The following CYLD variants were observed in gnomAD, a reference collection of about 807,000 sequenced individuals.
The protein encoded by CYLD is ubiquitin carboxyl-terminal hydrolase CYLD.
A neutral mutation model predicts 104.5 loss-of-function variants in CYLD; 26 were observed. The observed-to-expected ratio is 0.25, with a 90% CI of 0.18 to 0.35. The LOEUF (loss-of-function observed/expected upper bound fraction) is 0.35. Ranked by LOEUF, CYLD falls within the 10% of genes least tolerant of loss-of-function variation. The pLI, the probability that CYLD is intolerant of heterozygous loss-of-function variation, is 1.00. For missense variants in CYLD, 703 were observed against 1,136.1 expected (o/e 0.62, Z 5.48); for synonymous variants, 385 against 399.9 (o/e 0.96, Z 0.45).
intron 1 of CYLD, 87 bp from the exon 2 acceptor site, chr16:50,742,675 C>T: frequency 2.5e-6 from 1 of 395,544 alleles, no homozygotes; most frequent in Non-Finnish European, 4.5e-6. Context: ...ACGTACCGAT[C>T]GATTTTGCGG....
Position 50,794,682 on chromosome 16 carries a change from G to A in CYLD, c.2686+254G>A, listed in dbSNP as rs546317510. On this transcript the variant is annotated intron_variant, in intron 18 of 18. Transcript: ENST00000427738. The surrounding 1 kb of genome is among the most constrained non-coding windows in gnomAD (Gnocchi z 4.1). ...GTCACCCAGGCTGGAGTGCAGCAGC[G>A]TGATCTTGGCTCATTGCAACCTCCA... is the stretch of plus-strand genomic sequence containing the variant. 75 of 477,286 alleles carry A rather than the reference G, an allele frequency of 1.6e-4. No individual in the cohort carries two copies. Among genetic ancestry groups the A allele is most frequent in the Admixed American group, 2.6e-4 (8 of 30,420 alleles). The allele number at this position is 477,286 out of a possible 1,614,324, so 29.6% of individuals were successfully genotyped here.
Position 50,795,249 on chromosome 16 carries a change from A to ATT in CYLD, c.2686+821_2686+822insTT, listed in dbSNP as rs1371509037. ...ACCATGTTATCTTCCAATTGCCAAAAGCTGAGAGCAGAAGTAAACATCCTT... is the reference window on the plus strand; with the variant it reads ...ACCATGTTATCTTCCAATTGCCAAAATTGCTGAGAGCAGAAGTAAACATCCTT... On this transcript the variant is annotated intron_variant, in intron 18 of 18. Coordinates refer to ENST00000427738, the MANE Select transcript of CYLD (RefSeq NM_001378743.1). 5.3e-3 allele frequency among the ~76,000 whole-genome samples: 804 copies of ATT among 152,368 alleles called. 8 individuals are homozygous for ATT. The highest frequency in any genetic ancestry group is 0.018 in the African/African-American group (738 of 41,586).
At chr16:50,749,514 A>G (rs1966454358) in intron 2 of CYLD, 62 bp from the exon 3 acceptor site, 4 of 620,134 alleles carry the variant, frequency 6.5e-6, no homozygotes, top group African/African-American at 5.5e-5. Context: ...GTCATGTAGA[A>G]TGAAGTCTAA....
intron 5 of CYLD, among the ~76,000 whole-genome samples, chr16:50,763,015 C>A (rs2150947023): frequency 6.6e-6 from 1 of 152,348 alleles, no homozygotes; most frequent in South Asian, 2.1e-4. Flanking sequence ...CCTTAGTGAT[C>A]ATCTCCCAAA....
At position 50,749,944 on chromosome 16, in the gene CYLD, C is replaced by T. The variant is rs2150896336; in HGVS notation, c.246C>T (p.Leu82=). The change falls in exon 3 of 19, where the codon CTC becomes CTT. Residue 82 remains leucine (L), a synonymous_variant. Transcript: ENST00000427738. ...TTCTAGAGCAACCTCATGCAGTTCT[C>T]TTTGTTGATGAAAAGGATGTTGTAG... ...LKILEQPHAV[L]FVDEKDVVEI... 1 of 1,614,092 alleles carries T rather than the reference C, an allele frequency of 6.2e-7. No homozygotes were observed. Among genetic ancestry groups the T allele is most frequent in the Non-Finnish European group, 8.5e-7 (1 of 1,180,020 alleles).
intron 2 of CYLD, among the ~76,000 whole-genome samples, chr16:50,746,602 C>T (rs527632630): frequency 2.7e-4 from 41 of 152,268 alleles, no homozygotes; most frequent in African/African-American, 9.6e-4. Flanking sequence ...AGTCTAAGCT[C>T]ATTTCCACTT....
chr16:50,742,234 C>G (rs1284745213), intron 1 of CYLD, 110 bp downstream of exon 1: 1 of 151,368 alleles, frequency 6.6e-6, no homozygotes, highest in Non-Finnish European at 1.5e-5. Context: ...AATGAGCGGG[C>G]GGCTGGCGGC....
At chr16:50,791,147 T>G (rs1971397639) in intron 14 of CYLD, among the ~76,000 whole-genome samples, 1 of 152,232 alleles carries the variant, frequency 6.6e-6, no homozygotes, top group Admixed American at 6.5e-5. Flanking sequence ...GAAGGTCTGC[T>G]AAGGGTCTGT....
chr16:50,774,703 A>G (rs1211982163), intron 5 of CYLD, among the ~76,000 whole-genome samples: 1 of 152,168 alleles, frequency 6.6e-6, no homozygotes, highest in Non-Finnish European at 1.5e-5. Context: ...ATGGTGCAAG[A>G]TTTCGTTATA....
At chr16:50,770,689 G>A (rs902186298) in intron 5 of CYLD, among the ~76,000 whole-genome samples, 1 of 151,988 alleles carries the variant, frequency 6.6e-6, no homozygotes, top group African/African-American at 2.4e-5. Context: ...GACCTCAAGT[G>A]ATCCACCTGC....
At chr16:50,744,369 G>A (rs1488678661) in intron 2 of CYLD, among the ~76,000 whole-genome samples, 1 of 152,116 alleles carries the variant, frequency 6.6e-6, no homozygotes, top group East Asian at 1.9e-4. Flanking sequence ...AGTGAGAGAT[G>A]TTCTCTTTTA....
Position 50,750,062 on chromosome 16 carries a change from G to T in CYLD, c.364G>T (p.Gly122Cys), listed in dbSNP as rs1240768220. 1 of 1,614,120 alleles carries T rather than the reference G, an allele frequency of 6.2e-7. No homozygotes were observed. Among genetic ancestry groups the T allele is most frequent in the Non-Finnish European group, 8.5e-7 (1 of 1,179,992 alleles). Residue 122 changes from glycine (G) to cysteine (C), a missense_variant, in exon 3 of 19, where the codon GGC becomes TGC. Gly to Cys is a radical substitution (Grantham distance 159). This residue lies in a region of CYLD where 142 missense variants were observed against 165.1 expected (regional missense o/e 0.86). Coordinates refer to ENST00000427738, the MANE Select transcript of CYLD (RefSeq NM_001378743.1). ...TAAAAACAGAAACAGACTAAGTAAA[G>T]GCCTCCAAATAGACGTGGGCTGTCC... The part of the protein sequence containing the change: ...LFKNRNRLSK[G>C]LQIDVGCPVK...
intron 16 of CYLD, 87 bp downstream of exon 16, chr16:50,792,792 G>A (rs1971557269): frequency 2.7e-6 from 2 of 732,662 alleles, no homozygotes; most frequent in Non-Finnish European, 4.8e-6. Context: ...GACTCTAACT[G>A]GACACAGTAT....
chr16:50,744,701 G>A (rs992231934), intron 2 of CYLD: 1 of 152,328 alleles, frequency 6.6e-6, no homozygotes, highest in African/African-American at 2.4e-5. Flanking sequence ...AGCTACTGAT[G>A]TTCATTTGTA....
chr16:50,779,988 A>G lies in CYLD; in HGVS notation c.1462A>G (p.Ile488Val). ...VKENPPFYGV[I>V]RWIGQPPGLN... Reference sequence around the variant, plus strand: ...GGAGAACCCTCCTTTCTATGGGGTAATCCGTTGGATCGGTCAGCCACCAGG... The same window carrying G: ...GGAGAACCCTCCTTTCTATGGGGTAGTCCGTTGGATCGGTCAGCCACCAGG... Residue 488 changes from isoleucine (I) to valine (V), a missense_variant, in exon 9 of 19, where the codon ATC (isoleucine) becomes GTC (valine). Ile to Val is a conservative substitution (Grantham distance 29). This residue lies in a region of CYLD where 183 missense variants were observed against 212.1 expected (regional missense o/e 0.86). Transcript: ENST00000427738. The G allele has an allele frequency of 1.9e-6, 3 of 1,614,154 alleles. No homozygotes were observed. Among genetic ancestry groups the G allele is most frequent in the Non-Finnish European group, 2.5e-6 (3 of 1,179,988 alleles).
intron 5 of CYLD, among the ~76,000 whole-genome samples, chr16:50,762,344 T>C (rs1031483068): frequency 6.6e-6 from 1 of 152,232 alleles, no homozygotes; most frequent in African/African-American, 2.4e-5. Flanking sequence ...TTAAGTGTGT[T>C]ATTCACTTAG....
At chr16:50,776,075 GC>G in intron 6 of CYLD, 103 bp from the exon 7 acceptor site, 1 of 813,518 alleles carries the variant, frequency 1.2e-6, no homozygotes, top group South Asian at 1.5e-5. Context: ...TAAAAATTCT[GC>G]CTTTTTGTGG....
Position 50,787,705 on chromosome 16 carries a change from A to C in CYLD, c.2042-81A>C, listed in dbSNP as rs1970993146. The C allele has an allele frequency of 5.3e-6, 4 of 754,742 alleles. No homozygotes were observed. In the East Asian group the frequency reaches 1.1e-4, roughly 20 times the overall value. The allele number at this position is 754,742 out of a possible 1,614,324, so 46.8% of individuals were successfully genotyped here. On this transcript the variant is annotated intron_variant, in intron 13 of 18. Transcript: ENST00000427738. ...ATGAATGAAACTGAATTCAGTATTA[A>C]AATTTGACTGTTAGAAATGAAAAAT...
chr16:50,754,980 C>CATATATGCATATATATGT (rs1966869225), intron 5 of CYLD, among the ~76,000 whole-genome samples: 3 of 112,486 alleles, frequency 2.7e-5, no homozygotes, highest in Non-Finnish European at 5.3e-5. Context: ...TATATGTATA[C>CATATATGCATATATATGT]ATATATACAT....
Sources: gnomAD v4.1 joint callset for allele counts (sites outside exome capture counted in the v4.1 genomes callset) on GRCh38, gnomAD v4.1.1 for gene constraint, gnomAD v4.1.1 regional missense constraint, Gnocchi (gnomAD v3.1) non-coding constraint, MANE v1.5 for transcripts, NCBI Gene and HGNC (gene_info 2026-07-23, HGNC 2026-07-21) for gene names.